ZFPM2: variants seen among roughly 807,000 people sequenced by gnomAD.
ZFPM2 encodes zinc finger protein, FOG family member 2, also known as zinc finger protein ZFPM2.
In ZFPM2, 20 loss-of-function variants were observed where a neutral mutation model predicts 98.6. The ratio of observed to expected loss-of-function variants is 0.20; its 90% CI spans 0.14 to 0.29. ZFPM2 has a LOEUF of 0.29. Ranked by LOEUF, ZFPM2 falls within the 10% of genes least tolerant of loss-of-function variation. The pLI, the probability that ZFPM2 is intolerant of heterozygous loss-of-function variation, is 1.00. For synonymous variants in ZFPM2, 518 were observed against 502.7 expected, an observed-to-expected ratio of 1.03 and a Z score of -0.41; for missense variants, 1,310 against 1,388.6, an observed-to-expected ratio of 0.94 and a Z score of 0.90.
chr8:105,669,445 G>T lies in ZFPM2; in HGVS notation c.532+35088G>T, dbSNP rs531466531. 8.7e-5 allele frequency among the ~76,000 whole-genome samples: 13 copies of T among 149,934 alleles called. No individual in the cohort carries two copies. The East Asian group carries it at 2.4e-3, about 27-fold the overall frequency. ...TATATATATTTATATATATACACAC[G>T]CATATAATGATAATGTATATATAAT... On this transcript the variant is annotated intron_variant, in intron 5 of 7. Coordinates refer to ENST00000407775, the MANE Select transcript of ZFPM2 (RefSeq NM_012082.4).
chr8:105,672,357 A>G (rs1481582925), intron 5 of ZFPM2, among the ~76,000 whole-genome samples: 1 of 151,826 alleles, frequency 6.6e-6, no homozygotes, highest in Admixed American at 6.6e-5. Flanking sequence ...GCAATTATAA[A>G]TTGGTATTCA....
At chr8:105,539,439 G>T (rs1194188982) in intron 3 of ZFPM2, among the ~76,000 whole-genome samples, 1 of 152,146 alleles carries the variant, frequency 6.6e-6, no homozygotes, top group Non-Finnish European at 1.5e-5. Context: ...GTGTCTTTCT[G>T]AACGTTTTCT....
At chr8:105,557,124 C>A (rs1815013726) in intron 3 of ZFPM2, among the ~76,000 whole-genome samples, 1 of 152,096 alleles carries the variant, frequency 6.6e-6, no homozygotes, top group Admixed American at 6.6e-5. Flanking sequence ...GTACTATATC[C>A]AATTTCTTTT....
chr8:105,435,611 T>C (rs1161678890), intron 2 of ZFPM2, among the ~76,000 whole-genome samples: 1 of 152,056 alleles, frequency 6.6e-6, no homozygotes, highest in Non-Finnish European at 1.5e-5. Flanking sequence ...ATTCCAATTT[T>C]CCTAAGCTAC....
At chr8:105,751,378 C>T (rs1023835638) in intron 5 of ZFPM2, among the ~76,000 whole-genome samples, 9 of 152,052 alleles carry the variant, frequency 5.9e-5, no homozygotes, top group African/African-American at 2.2e-4. Flanking sequence ...CAGTGGCAAA[C>T]TTGAAGTCAG....
intron 5 of ZFPM2, among the ~76,000 whole-genome samples, chr8:105,664,321 TTGTGTGTGTGTGTGTGTGTG>T (rs148523592): frequency 2.1e-5 from 3 of 144,538 alleles, no homozygotes; most frequent in Non-Finnish European, 4.6e-5. Context: ...CATAAAATTC[TTGTGTGTGTGTGTGTGTGTG>T]TGTGTGTGTG....
At chr8:105,772,552 A>T (rs919279370) in intron 5 of ZFPM2, among the ~76,000 whole-genome samples, 3 of 152,168 alleles carry the variant, frequency 2.0e-5, no homozygotes, top group Admixed American at 6.6e-5. Context: ...GGGTTACCTC[A>T]GTTTTCTATG....
chr8:105,416,277 A>T (rs1189757929), intron 1 of ZFPM2, among the ~76,000 whole-genome samples: 1 of 151,500 alleles, frequency 6.6e-6, no homozygotes, highest in Admixed American at 6.6e-5. Flanking sequence ...TTTTAATACA[A>T]TGATTAAATT....
chr8:105,611,688 TAAC>T (rs1157063878), intron 4 of ZFPM2, among the ~76,000 whole-genome samples: 3 of 150,748 alleles, frequency 2.0e-5, no homozygotes, highest in African/African-American at 7.3e-5. Context: ...TTTAACAAAT[TAAC>T]AAAAAAAAAT....
intron 3 of ZFPM2, among the ~76,000 whole-genome samples, chr8:105,483,955 C>T (rs148991424): frequency 2.4e-4 from 37 of 151,852 alleles, no homozygotes; most frequent in Admixed American, 2.0e-3. Context: ...AGGATGGTCT[C>T]GATCTCCTGA....
intron 1 of ZFPM2, among the ~76,000 whole-genome samples, chr8:105,372,603 G>T (rs75120351): frequency 2.6e-3 from 392 of 152,212 alleles, no homozygotes; most frequent in African/African-American, 9.1e-3. Flanking sequence ...TCAGAGATTG[G>T]AGTAACTGCA....
rs149479285 is a variant in ZFPM2 at position 105,508,861 on chromosome 8, ATTT to A, written c.302-52494_302-52492del. Among the ~76,000 whole-genome samples, 56 of 136,336 alleles carry A rather than the reference ATTT, an allele frequency of 4.1e-4. No homozygotes were observed. The East Asian group carries it at 9.2e-3, about 22-fold the overall frequency. 89.4% of individuals were successfully genotyped at this position (136,336 alleles called of 152,430 possible). On this transcript the variant is annotated intron_variant, in intron 3 of 7. Transcript: ENST00000407775. Reference sequence around the variant, plus strand: ...TTTGGATTTTTTTTGAAAAAAAAAAATTTTTTTTTTAATGTGGAAGAAATCTTG... The same window carrying A: ...TTTGGATTTTTTTTGAAAAAAAAAAATTTTTTTAATGTGGAAGAAATCTTG...
chr8:105,717,182 G>A (rs1445528156), intron 5 of ZFPM2, among the ~76,000 whole-genome samples: 1 of 151,966 alleles, frequency 6.6e-6, no homozygotes. Flanking sequence ...TGGAGCTTCT[G>A]GGATCATATT....
chr8:105,795,053 C>T (rs1177326022), intron 6 of ZFPM2, among the ~76,000 whole-genome samples: 2 of 152,172 alleles, frequency 1.3e-5, no homozygotes, highest in East Asian at 3.9e-4. Flanking sequence ...CAATGCCTCG[C>T]CCTGCTTCAG....
At chr8:105,693,903 A>T (rs1403820593) in intron 5 of ZFPM2, among the ~76,000 whole-genome samples, 1 of 151,282 alleles carries the variant, frequency 6.6e-6, no homozygotes, top group African/African-American at 2.4e-5. Context: ...TGTTGAGAAC[A>T]TTTCAAATAT....
At chr8:105,665,609 A>C (rs1488769768) in intron 5 of ZFPM2, among the ~76,000 whole-genome samples, 1 of 152,190 alleles carries the variant, frequency 6.6e-6, no homozygotes, top group African/African-American at 2.4e-5. Flanking sequence ...ATACACTAAA[A>C]GAAAGATCTG....
intron 5 of ZFPM2, among the ~76,000 whole-genome samples, chr8:105,738,457 TTGTGAATAGTGC>T (rs1277356054): frequency 6.6e-6 from 1 of 152,100 alleles, no homozygotes; most frequent in East Asian, 1.9e-4. Flanking sequence ...GGCTTCAATA[TTGTGAATAGTGC>T]TGCAGTGAAC....
chr8:105,351,981 C>A (rs1169405421), intron 1 of ZFPM2, among the ~76,000 whole-genome samples: 2 of 152,130 alleles, frequency 1.3e-5, no homozygotes, highest in African/African-American at 2.4e-5. Context: ...GAAGTACATT[C>A]CAGACTTGGA....
intron 5 of ZFPM2, among the ~76,000 whole-genome samples, chr8:105,752,809 C>CT (rs961548871): frequency 1.3e-5 from 2 of 151,782 alleles, no homozygotes; most frequent in African/African-American, 4.8e-5. Context: ...AATAGAAAAC[C>CT]TTTTTTTCCC....
Sources: allele counts gnomAD v4.1 joint callset (sites outside exome capture counted in the v4.1 genomes callset), GRCh38; gene constraint gnomAD v4.1.1; transcripts MANE v1.5; gene names NCBI Gene and HGNC (gene_info 2026-07-23, HGNC 2026-07-21).